The following BRF1 variants were observed in gnomAD, a reference collection of about 807,000 sequenced individuals.
BRF1 encodes the protein transcription factor IIIB 90 kDa subunit.
In BRF1, 59 loss-of-function variants were observed where a neutral mutation model predicts 81.7. The ratio of observed to expected loss-of-function variants is 0.72; its 90% confidence interval spans 0.59 to 0.90. BRF1 has a LOEUF of 0.90. Among genes scored for constraint, BRF1 ranks in the 40% least tolerant of loss-of-function variants. The probability of loss-of-function intolerance (pLI) is 0.00; values close to 1 mark genes in which losing one functional copy is unlikely to be tolerated. For synonymous variants in BRF1, 491 were observed against 395.6 expected, an observed-to-expected ratio of 1.24 and a Z score of -2.86; for missense variants, 1,050 against 936.3, an observed-to-expected ratio of 1.12 and a Z score of -1.58.
rs80322920 is a variant in BRF1, at chr14:105,266,771, G to C, written c.439+5950C>G. On this transcript the variant is annotated intron_variant, in intron 3 of 17. Transcript: ENST00000547530. ...TAGAAAGGAAGAACCAAGGCTGGGCGGGGGGTTCACACCTAGAATCCCAGC... is the reference window on the plus strand; with the variant it reads ...TAGAAAGGAAGAACCAAGGCTGGGCCGGGGGTTCACACCTAGAATCCCAGC... Among the ~76,000 whole-genome samples the C allele has an allele frequency of 7.4e-3, 1,123 of 152,096 alleles. 15 individuals carry two copies. The highest frequency in any genetic ancestry group is 0.026 in the African/African-American group (1,078 of 41,498).
rs2056578321 is a variant in BRF1 at position 105,269,700 on chromosome 14, CT to C, written c.439+3020del. ...CAGCCCCGGCAGTGCCACAGGACTGCTCTCCGTCCTGCCTGTCATCACCCCA... is the reference window on the plus strand; with the variant it reads ...CAGCCCCGGCAGTGCCACAGGACTGCCTCCGTCCTGCCTGTCATCACCCCA... On this transcript the variant is annotated intron_variant, in intron 3 of 17. Transcript: ENST00000547530. This position sits in a 1 kb window ranked among gnomAD's most constrained non-coding sequence, Gnocchi z 5.0. 6.6e-6 allele frequency among the ~76,000 whole-genome samples: 1 copy of C among 152,156 alleles called. No individual in the cohort carries two copies. The highest frequency in any genetic ancestry group is 1.5e-5 in the Non-Finnish European group (1 of 68,008).
At chr14:105,287,127 C>A (rs2057343895) in intron 1 of BRF1, among the ~76,000 whole-genome samples, 1 of 152,232 alleles carries the variant, frequency 6.6e-6, no homozygotes, top group Non-Finnish European at 1.5e-5. Context: ...CACTCTACTC[C>A]GAAGCTCTGC....
At chr14:105,223,990 T>G (rs958113745) in intron 10 of BRF1, among the ~76,000 whole-genome samples, 1 of 152,204 alleles carries the variant, frequency 6.6e-6, no homozygotes, top group African/African-American at 2.4e-5. Flanking sequence ...GTACAGCCAA[T>G]CACGAATGAA....
chr14:105,209,843 C>T lies in BRF1; in HGVS notation c.*708G>A, dbSNP rs587756860. On this transcript the variant is annotated 3_prime_UTR_variant, in exon 18 of 18. Transcript: ENST00000547530. ...CCGGCAGCCGCAGGGCTCCTGGGCC[C>T]ACAACTCAAGTGGCCCTGGAGCAGG... is the stretch of plus-strand genomic sequence containing the variant. 2.0e-6 allele frequency: 1 copy of T among 495,672 alleles called. No homozygotes were observed. The highest frequency in any genetic ancestry group is 3.5e-6 in the Non-Finnish European group (1 of 282,948). 30.7% of individuals were successfully genotyped at this position (495,672 alleles called of 1,614,324 possible).
intron 6 of BRF1, among the ~76,000 whole-genome samples, chr14:105,240,989 C>A (rs919487412): frequency 6.6e-6 from 1 of 152,226 alleles, no homozygotes; most frequent in African/African-American, 2.4e-5. Flanking sequence ...GATGCCCATG[C>A]AGCCGCACCC....
intron 3 of BRF1, among the ~76,000 whole-genome samples, chr14:105,265,190 C>T (rs1179133512): frequency 5.9e-5 from 9 of 151,902 alleles, no homozygotes; most frequent in Non-Finnish European, 1.3e-4. Context: ...CCTGCCTCAG[C>T]CTCCTGAGTA....
At chr14:105,256,445 CGGTCACAACCCT>C in intron 4 of BRF1, 61 bp downstream of exon 4, 2 of 1,613,802 alleles carry the variant, frequency 1.2e-6, no homozygotes, top group East Asian at 2.2e-5. Flanking sequence ...GGGTACACCC[CGGTCACAACCCT>C]GGTCACAACC....
intron 3 of BRF1, among the ~76,000 whole-genome samples, chr14:105,268,079 G>A (rs368564073): frequency 2.8e-4 from 42 of 152,360 alleles, no homozygotes; most frequent in African/African-American, 9.9e-4. Context: ...GGGCTCTGAC[G>A]CCCTCTAGGG....
chr14:105,305,717 CA>C (rs2058168012), upstream of BRF1, among the ~76,000 whole-genome samples: 1 of 152,174 alleles, frequency 6.6e-6, no homozygotes, highest in African/African-American at 2.4e-5. Context: ...TTAGGTGCCC[CA>C]TGCTGCAAGC....
intron 5 of BRF1, chr14:105,241,881 G>A (rs2054688935): frequency 9.4e-6 from 2 of 212,644 alleles, no homozygotes; most frequent in South Asian, 7.6e-5. Flanking sequence ...CCAGCATGGC[G>A]GTGCCACGGG....
intron 14 of BRF1, 151 bp downstream of exon 14, chr14:105,218,847 G>T: frequency 1.8e-6 from 2 of 1,104,248 alleles, no homozygotes; most frequent in South Asian, 1.5e-5. Context: ...GGTTAAGGAC[G>T]TGGGTCTGGG....
At chr14:105,270,835 T>C (rs1240879703) in intron 3 of BRF1, among the ~76,000 whole-genome samples, 1 of 150,426 alleles carries the variant, frequency 6.6e-6, no homozygotes, top group Non-Finnish European at 1.5e-5. Flanking sequence ...ATCCTGATAC[T>C]GAGGGTTGCC....
intron 1 of BRF1, among the ~76,000 whole-genome samples, chr14:105,308,911 C>T (rs1198148107): frequency 6.6e-6 from 1 of 151,746 alleles, no homozygotes; most frequent in African/African-American, 2.4e-5. Context: ...GAGATCTGGC[C>T]TACAGTGAGC....
At chr14:105,211,664 G>A in intron 16 of BRF1, 1 of 350,820 alleles carries the variant, frequency 2.9e-6, no homozygotes, top group Non-Finnish European at 5.2e-6. Context: ...CACAGACAGA[G>A]GCTCTGCTCC....
At chr14:105,226,451 T>C (rs959320970) in intron 8 of BRF1, among the ~76,000 whole-genome samples, 161 bp from the exon 9 acceptor site, 1 of 152,040 alleles carries the variant, frequency 6.6e-6, no homozygotes, top group Non-Finnish European at 1.5e-5. Context: ...TGGGAAGAGG[T>C]GGCACTTCCC....
chr14:105,226,785 A>C (rs1239275295), intron 7 of BRF1, 25 bp from the exon 8 acceptor site: 3 of 1,613,006 alleles, frequency 1.9e-6, no homozygotes, highest in Non-Finnish European at 8.5e-7. Flanking sequence ...GACATGGGAA[A>C]TGGAGCTGGT....
At chr14:105,274,475 C>T (rs1196135201) in intron 2 of BRF1, among the ~76,000 whole-genome samples, 1 of 152,180 alleles carries the variant, frequency 6.6e-6, no homozygotes, top group Non-Finnish European at 1.5e-5. Flanking sequence ...CACCCCTTCA[C>T]CATGGTAAGG....
Position 105,228,847 on chromosome 14 carries a change from T to C in BRF1, c.761A>G (p.Lys254Arg), listed in dbSNP as rs2054242760. The change falls in exon 7 of 18, where the codon AAA (lysine) becomes AGA (arginine). Residue 254 changes from lysine to arginine, a missense_variant. Lys to Arg is a conservative substitution (Grantham distance 26, BLOSUM62 2). Coordinates refer to ENST00000547530, the MANE Select transcript of BRF1 (RefSeq NM_001519.4). Reference protein sequence around the residue: ...RTVKEVISVVKVCESTLRKRL... With the variant: ...RTVKEVISVVRVCESTLRKRL... ...CTTCCGCAGCGTGGACTCACACACTTTGACCACACTGATGACCTCCTTCAC... is the reference window on the plus strand; with the variant it reads ...CTTCCGCAGCGTGGACTCACACACTCTGACCACACTGATGACCTCCTTCAC... 6.2e-7 allele frequency: 1 copy of C among 1,613,940 alleles called. No individual in the cohort carries two copies. The highest frequency in any genetic ancestry group is 2.2e-5 in the East Asian group (1 of 44,882).
chr14:105,306,585 G>A (rs1595518192), intron 1 of BRF1, among the ~76,000 whole-genome samples: 1 of 151,772 alleles, frequency 6.6e-6, no homozygotes. Context: ...TTATAGGCAT[G>A]AGCCACCACA....
Sources: allele counts gnomAD v4.1 joint callset (sites outside exome capture counted in the v4.1 genomes callset), GRCh38; gene constraint gnomAD v4.1.1; non-coding constraint Gnocchi (gnomAD v3.1); transcripts MANE v1.5; gene names NCBI Gene and HGNC (gene_info 2026-07-23, HGNC 2026-07-21).